Variants in C10orf143 observed in about 807,000 individuals in gnomAD.
C10orf143 encodes the protein chromosome 10 open reading frame 143, also known as uncharacterized protein C10orf143.
chr10:130,084,758 C>T (rs1245883513), intron 1 of C10orf143, among the ~76,000 whole-genome samples: 4 of 152,036 alleles, frequency 2.6e-5, no homozygotes, highest in Admixed American at 6.6e-5. Context: ...AAATTGGTTT[C>T]GAAATACCAT....
chr10:130,106,371 C>G, intron 1 of C10orf143: 1 of 1,601,892 alleles, frequency 6.2e-7, no homozygotes, highest in Non-Finnish European at 8.5e-7. Flanking sequence ...TATGAAGTAG[C>G]GTCATCGTTA....
At chr10:130,107,246 G>A in intron 1 of C10orf143, 4 of 1,241,634 alleles carry the variant, frequency 3.2e-6, no homozygotes, top group Non-Finnish European at 4.8e-6. Flanking sequence ...ATTAACAGTA[G>A]AGGAAAATAG....
At chr10:130,068,797 A>G (rs1207403610) in intron 3 of C10orf143, among the ~76,000 whole-genome samples, 2 of 151,876 alleles carry the variant, frequency 1.3e-5, no homozygotes, top group Admixed American at 1.3e-4. Flanking sequence ...AGATTTGAGC[A>G]AGCAGAAGAA....
intron 3 of C10orf143, among the ~76,000 whole-genome samples, chr10:130,053,546 C>T (rs545292794): frequency 3.7e-4 from 56 of 152,322 alleles, no homozygotes; most frequent in African/African-American, 1.3e-3. Flanking sequence ...AACAAGGCCC[C>T]AGGCATGTGA....
intron 3 of C10orf143, among the ~76,000 whole-genome samples, chr10:130,057,218 G>A (rs538816044): frequency 2.1e-4 from 32 of 152,172 alleles, no homozygotes; most frequent in Non-Finnish European, 4.6e-4. Flanking sequence ...ATGGTGGTAA[G>A]ATATACATGG....
At chr10:130,045,265 C>A (rs907559120) in intron 3 of C10orf143, among the ~76,000 whole-genome samples, 1 of 152,256 alleles carries the variant, frequency 6.6e-6, no homozygotes, top group Non-Finnish European at 1.5e-5. Flanking sequence ...CCAGGCATTG[C>A]GCCCTCTGCC....
intron 3 of C10orf143, among the ~76,000 whole-genome samples, chr10:130,073,196 T>C (rs1184003540): frequency 6.6e-6 from 1 of 152,202 alleles, no homozygotes; most frequent in Non-Finnish European, 1.5e-5. Flanking sequence ...CACTGGGTGG[T>C]GGAGGCATGC....
intron 1 of C10orf143, chr10:130,105,911 C>T (rs1861634890): frequency 5.4e-6 from 2 of 367,896 alleles, no homozygotes; most frequent in South Asian, 4.2e-5. Context: ...CCCCAGCTCC[C>T]CCCCGCAGCC....
At chr10:130,103,655 A>T (rs1178671031) in intron 1 of C10orf143, among the ~76,000 whole-genome samples, 3 of 151,782 alleles carry the variant, frequency 2.0e-5, no homozygotes, top group African/African-American at 4.8e-5. Flanking sequence ...AAAAAGTTTT[A>T]AAAAATTAGC....
chr10:130,040,104 G>A (rs1860588914), intron 3 of C10orf143, among the ~76,000 whole-genome samples: 1 of 152,142 alleles, frequency 6.6e-6, no homozygotes, highest in South Asian at 2.1e-4. Flanking sequence ...AACATGAGGA[G>A]CTGGGGTGGG....
At chr10:130,045,496 C>G (rs936170605) in intron 3 of C10orf143, among the ~76,000 whole-genome samples, 9 of 152,262 alleles carry the variant, frequency 5.9e-5, no homozygotes, top group Non-Finnish European at 1.3e-4. Context: ...CCCCGCAGCA[C>G]TGCAGCTGCA....
At chr10:130,083,900 T>C (rs1861247796) in intron 1 of C10orf143, among the ~76,000 whole-genome samples, 1 of 151,822 alleles carries the variant, frequency 6.6e-6, no homozygotes, top group Admixed American at 6.6e-5. Context: ...AAAATGTAAG[T>C]AAACCAAGAC....
chr10:130,082,271 CA>C (rs1262622779), intron 1 of C10orf143, among the ~76,000 whole-genome samples: 1 of 151,934 alleles, frequency 6.6e-6, no homozygotes, highest in African/African-American at 2.4e-5. Context: ...CTTGGCTTCC[CA>C]AAGTGCTGGG....
At chr10:130,108,122 C>T in intron 1 of C10orf143, 1 of 1,554,918 alleles carries the variant, frequency 6.4e-7, no homozygotes, top group Admixed American at 1.7e-5. Context: ...TGTTCCTCCA[C>T]CTCTTGCCCT....
intron 1 of C10orf143, chr10:130,106,201 T>G: frequency 9.2e-7 from 1 of 1,082,556 alleles, no homozygotes; most frequent in Non-Finnish European, 1.4e-6. Context: ...TTGCTGCATT[T>G]TTTGCTGTTC....
At chr10:130,080,010 G>A (rs968759197) in intron 1 of C10orf143, 109 bp from the exon 2 acceptor site, 2 of 397,690 alleles carry the variant, frequency 5.0e-6, no homozygotes, top group East Asian at 7.1e-5. Flanking sequence ...TGTGGAGCTG[G>A]AAAACTTTAT....
chr10:130,085,369 G>A (rs955555007), intron 1 of C10orf143, among the ~76,000 whole-genome samples: 2 of 152,178 alleles, frequency 1.3e-5, no homozygotes, highest in East Asian at 1.9e-4. Flanking sequence ...TCCGTACAAC[G>A]TACCAAGATG....
intron 3 of C10orf143, chr10:130,067,211 C>G (rs1302989413): frequency 2.6e-5 from 4 of 152,246 alleles, no homozygotes; most frequent in Admixed American, 2.6e-4. Flanking sequence ...GCATGAACTC[C>G]CTCAAAACGT....
At chr10:130,058,227 A>G (rs1277977544) in intron 3 of C10orf143, among the ~76,000 whole-genome samples, 3 of 152,078 alleles carry the variant, frequency 2.0e-5, no homozygotes, top group Non-Finnish European at 2.9e-5. Flanking sequence ...CCACCACCCC[A>G]CAATCCATGT....
Sources: gnomAD v4.1 joint callset for allele counts (sites outside exome capture counted in the v4.1 genomes callset) on GRCh38, gnomAD v4.1.1 for gene constraint, MANE v1.5 for transcripts, NCBI Gene and HGNC (gene_info 2026-07-23, HGNC 2026-07-21) for gene names.